Variants in HECW1 observed in about 807,000 individuals in gnomAD.
HECW1 encodes the protein HECT, C2 and WW domain containing E3 ubiquitin protein ligase 1.
Under a neutral mutation model 182.3 loss-of-function variants are expected in HECW1, and 61 were observed. The ratio of observed to expected loss-of-function variants is 0.33; its 90% CI spans 0.27 to 0.41. The LOEUF (loss-of-function observed/expected upper bound fraction) is 0.41. HECW1 is among the 10% of genes least tolerant of loss of function. HECW1 has a pLI of 1.00. For synonymous variants in HECW1, 859 were observed against 832.6 expected (o/e 1.03, Z -0.55); for missense variants, 1,739 against 2,108.9 (o/e 0.82, Z 3.44).
At chr7:43,397,240 C>T (rs1449531731) in intron 7 of HECW1, among the ~76,000 whole-genome samples, 1 of 152,152 alleles carries the variant, frequency 6.6e-6, no homozygotes, top group Non-Finnish European at 1.5e-5. Flanking sequence ...CTAAACAAAA[C>T]CTCACATGGG....
chr7:43,537,844 T>C (rs1350557590), intron 24 of HECW1, among the ~76,000 whole-genome samples: 3 of 152,180 alleles, frequency 2.0e-5, no homozygotes, highest in Non-Finnish European at 2.9e-5. Context: ...GAGAAACCAG[T>C]GTAATTCTGA....
At chr7:43,522,584 A>AG (rs2152939804) in intron 24 of HECW1, 1 of 153,710 alleles carries the variant, frequency 6.5e-6, no homozygotes, top group East Asian at 1.9e-4. Context: ...CTGCCCCACA[A>AG]CAGCCACCTC....
At chr7:43,335,965 C>T (rs944147537) in intron 5 of HECW1, among the ~76,000 whole-genome samples, 4 of 133,898 alleles carry the variant, frequency 3.0e-5, no homozygotes, top group Non-Finnish European at 4.7e-5. Context: ...TCCTTCCTTC[C>T]TTTCCCTCTC....
rs890022301 is a variant in HECW1 at position 43,243,198 on chromosome 7, G to C, written c.-31-677G>C. Among the ~76,000 whole-genome samples, 3 of 152,136 alleles carry C rather than the reference G, an allele frequency of 2.0e-5. No individual in the cohort carries two copies. Among genetic ancestry groups the C allele is most frequent in the Non-Finnish European group, 4.4e-5 (3 of 68,030 alleles). Reference sequence around the variant, plus strand: ...AACCAAAACAATACCTGGATTAAGAGGGCCCTGACAGATGATGCCGTCAGC... The same window carrying C: ...AACCAAAACAATACCTGGATTAAGACGGCCCTGACAGATGATGCCGTCAGC... On this transcript the variant is annotated intron_variant, in intron 2 of 29. Transcript: ENST00000395891. The surrounding 1 kb of genome is among the most constrained non-coding windows in gnomAD (Gnocchi z 4.0).
chr7:43,142,005 C>A (rs78460402), intron 2 of HECW1, among the ~76,000 whole-genome samples: 1,932 of 152,296 alleles, frequency 0.013, 26 homozygotes, highest in Non-Finnish European at 0.022. Context: ...TCCCGAAAAC[C>A]TGCACACGCT....
chr7:43,237,220 G>A (rs1331891903), intron 2 of HECW1, among the ~76,000 whole-genome samples: 1 of 152,114 alleles, frequency 6.6e-6, no homozygotes, highest in Non-Finnish European at 1.5e-5. Context: ...AATGGAAGCT[G>A]GGGCTTCAGA....
At chr7:43,479,063 GA>G (rs1472589902) in intron 16 of HECW1, among the ~76,000 whole-genome samples, 1 of 151,982 alleles carries the variant, frequency 6.6e-6, no homozygotes, top group Non-Finnish European at 1.5e-5. Flanking sequence ...TTTTTCCACG[GA>G]TGGGAGGGTA....
Position 43,463,623 on chromosome 7 carries a change from A to G in HECW1, c.2652-37A>G, listed in dbSNP as rs376189183. Reference sequence around the variant, plus strand: ...AGTTTTGGCCCCCAAGGAGCAAACCAAAGTTAACTCCTGTCTTTCCATTTT... The same window carrying G: ...AGTTTTGGCCCCCAAGGAGCAAACCGAAGTTAACTCCTGTCTTTCCATTTT... On this transcript the variant is annotated intron_variant, in intron 13 of 29. Coordinates refer to ENST00000395891, the MANE Select transcript of HECW1 (RefSeq NM_015052.5). 1.6e-5 allele frequency: 25 copies of G among 1,596,902 alleles called. No homozygotes were observed. The African/African-American group carries it at 2.8e-4, about 18-fold the overall frequency.
At chr7:43,157,121 T>A (rs1789966209) in intron 2 of HECW1, among the ~76,000 whole-genome samples, 1 of 152,178 alleles carries the variant, frequency 6.6e-6, no homozygotes, top group Non-Finnish European at 1.5e-5. Context: ...GAATTTACAT[T>A]CAATAGGAGA....
At chr7:43,492,674 G>A (rs1443248909) in intron 18 of HECW1, among the ~76,000 whole-genome samples, 1 of 152,056 alleles carries the variant, frequency 6.6e-6, no homozygotes, top group Admixed American at 6.6e-5. Context: ...TATCACTACT[G>A]GGAAATCGAC....
At position 43,445,350 on chromosome 7, in the gene HECW1, G is replaced by A; in HGVS notation, c.2178G>A (p.Lys726=). 6.2e-7 allele frequency: 1 copy of A among 1,613,794 alleles called. No homozygotes were observed. The highest frequency in any genetic ancestry group is 2.2e-5 in the East Asian group (1 of 44,868). Reference sequence around the variant, plus strand: ...GCTTCTCCTCCGTGGACAGCGCCAAGATCTCCGAGAGCACGGTCTTCTCCT... The same window carrying A: ...GCTTCTCCTCCGTGGACAGCGCCAAAATCTCCGAGAGCACGGTCTTCTCCT... ...HTRFSSVDSA[K]ISESTVFSSQ... Residue 726 remains lysine (K), a synonymous_variant, in exon 11 of 30, where the codon AAG becomes AAA. Coordinates refer to ENST00000395891, the MANE Select transcript of HECW1 (RefSeq NM_015052.5).
chr7:43,452,272 A>T (rs1474910287), intron 12 of HECW1, among the ~76,000 whole-genome samples: 1 of 152,224 alleles, frequency 6.6e-6, no homozygotes, highest in Non-Finnish European at 1.5e-5. Flanking sequence ...TTTCCCCACA[A>T]CAAATAACCT....
At chr7:43,541,334 A>G in intron 25 of HECW1, 73 bp downstream of exon 25, 2 of 1,157,726 alleles carry the variant, frequency 1.7e-6, no homozygotes, top group East Asian at 2.3e-5. Flanking sequence ...CTCTGGTGCC[A>G]CTGACCCTTT....
At chr7:43,263,013 T>A (rs1383370579) in intron 3 of HECW1, among the ~76,000 whole-genome samples, 1 of 152,200 alleles carries the variant, frequency 6.6e-6, no homozygotes, top group Non-Finnish European at 1.5e-5. Context: ...TTAAAAGAAT[T>A]GATATCAAAA....
At chr7:43,170,839 AGTTG>A (rs1374924922) in intron 2 of HECW1, among the ~76,000 whole-genome samples, 2 of 152,184 alleles carry the variant, frequency 1.3e-5, no homozygotes, top group East Asian at 1.9e-4. Context: ...AGGAAATCAG[AGTTG>A]GCTGAGCTGA....
At chr7:43,414,248 T>C (rs2075909225) in intron 8 of HECW1, among the ~76,000 whole-genome samples, 1 of 149,984 alleles carries the variant, frequency 6.7e-6, no homozygotes, top group Non-Finnish European at 1.5e-5. Flanking sequence ...ATGATTTGGC[T>C]CTCTGTTTAT....
intron 6 of HECW1, among the ~76,000 whole-genome samples, chr7:43,376,924 T>G (rs1247500628): frequency 6.6e-6 from 1 of 151,010 alleles, no homozygotes; most frequent in Non-Finnish European, 1.5e-5. Context: ...AACTTTCAAC[T>G]CCAGCATTCA....
intron 2 of HECW1, among the ~76,000 whole-genome samples, chr7:43,172,603 T>C (rs1791804761): frequency 6.6e-6 from 1 of 152,090 alleles, no homozygotes; most frequent in Non-Finnish European, 1.5e-5. Flanking sequence ...GTGCTTTACA[T>C]GTGAGAAAAA....
At chr7:43,229,791 A>G (rs1159058471) in intron 2 of HECW1, among the ~76,000 whole-genome samples, 2 of 152,222 alleles carry the variant, frequency 1.3e-5, no homozygotes, top group Non-Finnish European at 2.9e-5. Context: ...ATTATTTACA[A>G]AGGATAAAAT....
Sources: allele counts gnomAD v4.1 joint callset (sites outside exome capture counted in the v4.1 genomes callset), GRCh38; gene constraint gnomAD v4.1.1; non-coding constraint Gnocchi (gnomAD v3.1); transcripts MANE v1.5; gene names NCBI Gene and HGNC (gene_info 2026-07-23, HGNC 2026-07-21).